The following ZNF229 variants were observed in gnomAD, a reference collection of about 807,000 sequenced individuals.
The protein encoded by ZNF229 is zinc finger protein 229.
In ZNF229, 10 loss-of-function variants were observed where a neutral mutation model predicts 11.8. That is an observed-to-expected ratio of 0.85 (90% CI 0.52 to 1.44). ZNF229 has a LOEUF of 1.44. ZNF229 is among the 40% of genes most tolerant of loss of function. ZNF229 has a pLI of 0.00. For synonymous variants in ZNF229, 368 were observed against 374.8 expected (o/e 0.98, Z 0.21); for missense variants, 1,045 against 1,015.1 (o/e 1.03, Z -0.40).
intron 2 of ZNF229, among the ~76,000 whole-genome samples, chr19:44,445,304 C>T (rs1276807170): frequency 1.4e-5 from 2 of 146,124 alleles, no homozygotes; most frequent in Non-Finnish European, 3.0e-5. Context: ...TCCTACACAG[C>T]AGCTGGAGTG....
chr19:44,430,157 T>C lies in ZNF229; in HGVS notation c.624A>G (p.Thr208=), dbSNP rs747600962. 1 of 1,614,132 alleles carries C rather than the reference T, an allele frequency of 6.2e-7. No individual in the cohort carries two copies. Among genetic ancestry groups the C allele is most frequent in the East Asian group, 2.2e-5 (1 of 44,880 alleles). Residue 208 remains threonine (T), a synonymous_variant, in exon 6 of 6, where the codon ACA becomes ACG. Coordinates refer to ENST00000614049, the MANE Select transcript of ZNF229 (RefSeq NM_014518.4). The part of the protein sequence containing the change: ...DVQERCKNLD[T]EDTVYKCNWD... ...AGTTACATTTATATACTGTGTCTTC[T>C]GTGTCGAGATTTTTACATCTTTCTT...
In ZNF229 at chr19:44,442,969, G is replaced by C. The variant is rs974112389; in HGVS notation, c.-122C>G. On this transcript the variant is annotated 5_prime_UTR_variant, in exon 3 of 6. Coordinates refer to ENST00000614049, the MANE Select transcript of ZNF229 (RefSeq NM_014518.4). ...CCGGAAACTCTCCAAGCTCTGACAA[G>C]TTCCTGTCTCCACCTTTACTGTCCA... is the stretch of plus-strand genomic sequence containing the variant. The C allele has an allele frequency of 5.9e-6, 7 of 1,193,376 alleles. No individual in the cohort carries two copies. The highest frequency in any genetic ancestry group is 2.1e-4 in the Middle Eastern group (1 of 4,682). The allele number at this position is 1,193,376 out of a possible 1,614,324, so 73.9% of individuals were successfully genotyped here. A position where few individuals can be genotyped will look rare whatever the true frequency, so the allele number is the denominator to read the frequency against.
chr19:44,429,865 C>A lies in ZNF229; in HGVS notation c.916G>T (p.Ala306Ser). The A allele has an allele frequency of 5.6e-6, 9 of 1,614,028 alleles. No homozygotes were observed. Among genetic ancestry groups the A allele is most frequent in the Non-Finnish European group, 6.8e-6 (8 of 1,180,016 alleles). ...DEFSEGLRHS[A>S]HLNRHQRVPT... ...ACTCTTTGATGTCTGTTAAGATGGG[C>A]ACTGTGCCTCAAGCCCTCACTAAAC... Residue 306 changes from alanine to serine, a missense_variant, in exon 6 of 6, where the codon GCC (alanine) becomes TCC (serine). Coordinates refer to ENST00000614049, the MANE Select transcript of ZNF229 (RefSeq NM_014518.4).
At chr19:44,446,529 T>C (rs1972005870) in intron 2 of ZNF229, among the ~76,000 whole-genome samples, 1 of 152,200 alleles carries the variant, frequency 6.6e-6, no homozygotes, top group African/African-American at 2.4e-5. Context: ...CACACACACA[T>C]GCCTATGTGA....
At chr19:44,444,202 T>C (rs955319372) in intron 2 of ZNF229, among the ~76,000 whole-genome samples, 2 of 152,188 alleles carry the variant, frequency 1.3e-5, no homozygotes, top group South Asian at 2.1e-4. Context: ...GCAAAGACAG[T>C]GGACATGAGT....
At chr19:44,439,502 G>A (rs1971871225) in intron 4 of ZNF229, among the ~76,000 whole-genome samples, 1 of 152,060 alleles carries the variant, frequency 6.6e-6, no homozygotes, top group Non-Finnish European at 1.5e-5. Flanking sequence ...GGAGTGCAGT[G>A]GCATGATCTC....
In ZNF229 at chr19:44,442,841, T is replaced by A; in HGVS notation, c.7A>T (p.Thr3Ser). Residue 3 changes from threonine to serine, a missense_variant, in exon 3 of 6, where the codon ACT becomes TCT. Transcript: ENST00000614049. The part of the protein sequence containing the change: ME[T>S]LTSRHEKRAL... ...CTTTTCTCATGCCTTGAGGTCAAAG[T>A]CTCCATGGTCTCTTCTGCTAGGTTC... The A allele has an allele frequency of 6.2e-7, 1 of 1,608,430 alleles. No homozygotes were observed.
In ZNF229 at chr19:44,430,215, G is replaced by A. The variant is rs372084311; in HGVS notation, c.566C>T (p.Ala189Val). 14 of 1,613,900 alleles carry A rather than the reference G, an allele frequency of 8.7e-6. No individual in the cohort carries two copies. The African/African-American group carries it at 1.6e-4, about 18-fold the overall frequency. ...CCCTAACTGGTTCACAAACGCTTTTGCCCAAGATCCTTGAATGGGGATTGG... is the reference window on the plus strand; with the variant it reads ...CCCTAACTGGTTCACAAACGCTTTTACCCAAGATCCTTGAATGGGGATTGG... ...IRPIPIQGSW[A>V]KAFVNQLGDV... Residue 189 changes from alanine to valine, a missense_variant, in exon 6 of 6, where the codon GCA (alanine) becomes GTA (valine). By Grantham distance (64) the Ala-to-Val change is moderately conservative (BLOSUM62 0). Transcript: ENST00000614049.
At position 44,443,005 on chromosome 19, in the gene ZNF229, G is replaced by A. The variant is rs1263780416; in HGVS notation, c.-158C>T. 3.2e-5 allele frequency: 25 copies of A among 769,870 alleles called. No individual in the cohort carries two copies. Among genetic ancestry groups the A allele is most frequent in the Admixed American group, 1.6e-4 (6 of 38,632 alleles). 47.7% of individuals were successfully genotyped at this position (769,870 alleles called of 1,614,324 possible). A position where few individuals can be genotyped will look rare whatever the true frequency, so the allele number is the denominator to read the frequency against. ...CACCTTTACTGTCCAGAGCGCGACT[G>A]CTTCCCATGGTCAGGGGACCTGTAG... On this transcript the variant is annotated 5_prime_UTR_variant, in exon 3 of 6. Coordinates refer to ENST00000614049, the MANE Select transcript of ZNF229 (RefSeq NM_014518.4).
rs1478880473 is a variant in ZNF229, at chr19:44,428,353, C to T, written c.2428G>A (p.Gly810Ser). Residue 810 changes from glycine (G) to serine (S), a missense_variant, in exon 6 of 6, where the codon GGT becomes AGT. By Grantham distance (56) the Gly-to-Ser change is moderately conservative. Transcript: ENST00000614049. ...VCGKGFSYTS[G>S]LRNHQRVHLG... ...TGCACTCTTTGGTGGTTCCGCAGAC[C>T]TGAGGTATAACTGAAGCCTTTCCCA... 2.5e-6 allele frequency: 4 copies of T among 1,613,934 alleles called. No individual in the cohort carries two copies. The highest frequency in any genetic ancestry group is 3.4e-6 in the Non-Finnish European group (4 of 1,179,904).
At position 44,427,200 on chromosome 19, in the gene ZNF229, T is replaced by G. The variant is rs144993717; in HGVS notation, c.*1103A>C. 2 of 148,892 alleles carry G rather than the reference T, an allele frequency of 1.3e-5. No homozygotes were observed. Among genetic ancestry groups the G allele is most frequent in the African/African-American group, 5.0e-5 (2 of 39,730 alleles). 9.2% of individuals were successfully genotyped at this position (148,892 alleles called of 1,614,324 possible). A position where few individuals can be genotyped will look rare whatever the true frequency, so the allele number is the denominator to read the frequency against. ...GATTAAAATTGAGATGAGATTTGGG[T>G]GGGGACAAGAGCCAAACCATATCAG... On this transcript the variant is annotated 3_prime_UTR_variant, in exon 6 of 6. Transcript: ENST00000614049.
rs1190997353 is a variant in ZNF229, at chr19:44,429,597, T to G, written c.1184A>C (p.His395Pro). Residue 395 changes from histidine (H) to proline (P), a missense_variant, in exon 6 of 6, where the codon CAT (histidine) becomes CCT (proline). Coordinates refer to ENST00000614049, the MANE Select transcript of ZNF229 (RefSeq NM_014518.4). ...AFGRSSNLLVHQRVHTGEKPY... is the reference protein window; with the variant it reads ...AFGRSSNLLVPQRVHTGEKPY... ...TTTCTCTCCAGTGTGGACCCTCTGA[T>G]GGACAAGCAGGTTTGAACTTCGACC... 2 of 1,614,150 alleles carry G rather than the reference T, an allele frequency of 1.2e-6. No homozygotes were observed. The highest frequency in any genetic ancestry group is 2.2e-5 in the South Asian group (2 of 91,088).
rs970935066 is a variant in ZNF229 at position 44,431,849 on chromosome 19, G to A, written c.238+373C>T. ...ATGTTGAAATCCTAAATCCCAACGT[G>A]ATACCATTAGGAGGTGGTGGGTCTT... On this transcript the variant is annotated intron_variant, in intron 5 of 5. Transcript: ENST00000614049. 1.1e-5 allele frequency: 11 copies of A among 976,092 alleles called. No homozygotes were observed. The African/African-American group carries it at 1.9e-4, about 17-fold the overall frequency. 60.5% of individuals were successfully genotyped at this position (976,092 alleles called of 1,614,324 possible). A position where few individuals can be genotyped will look rare whatever the true frequency, so the allele number is the denominator to read the frequency against.
chr19:44,429,480 G>T lies in ZNF229; in HGVS notation c.1301C>A (p.Thr434Asn), dbSNP rs867111760. ...GAAGCCTTTGCCACACTCGCTGCAG[G>T]TGTAGGGCTTCTCCCCTGTGTGCAG... is the stretch of plus-strand genomic sequence containing the variant. ...QRLHTGEKPY[T>N]CSECGKGFCA... is the part of the protein sequence containing the mutation. Residue 434 changes from threonine (T) to asparagine (N), a missense_variant, in exon 6 of 6, where the codon ACC becomes AAC. Thr to Asn is a moderately conservative substitution (Grantham distance 65). Transcript: ENST00000614049. 6.2e-7 allele frequency: 1 copy of T among 1,611,870 alleles called. No homozygotes were observed. Among genetic ancestry groups the T allele is most frequent in the African/African-American group, 1.3e-5 (1 of 74,208 alleles).
intron 4 of ZNF229, among the ~76,000 whole-genome samples, chr19:44,437,647 A>G (rs1217627126): frequency 2.0e-5 from 3 of 152,208 alleles, no homozygotes; most frequent in African/African-American, 7.2e-5. Context: ...AAATTATTCT[A>G]CCATAAAGAC....
intron 4 of ZNF229, among the ~76,000 whole-genome samples, chr19:44,437,999 G>A (rs1030243226): frequency 6.6e-6 from 1 of 152,092 alleles, no homozygotes; most frequent in Non-Finnish European, 1.5e-5. Flanking sequence ...AGAGGATCAG[G>A]AAAAATAAAT....
At chr19:44,430,903 C>A (rs1971712517) in intron 5 of ZNF229, among the ~76,000 whole-genome samples, 2 of 152,124 alleles carry the variant, frequency 1.3e-5, no homozygotes, top group Non-Finnish European at 2.9e-5. Context: ...CACATATTAA[C>A]TGACTTAAAC....
At chr19:44,441,740 A>ATGCTG (rs1316526565) in intron 4 of ZNF229, among the ~76,000 whole-genome samples, 1 of 152,212 alleles carries the variant, frequency 6.6e-6, no homozygotes, top group Non-Finnish European at 1.5e-5. Context: ...GTTATGAATG[A>ATGCTG]TGCTGCAATT....
At chr19:44,440,899 T>G (rs1971897313) in intron 4 of ZNF229, among the ~76,000 whole-genome samples, 1 of 152,036 alleles carries the variant, frequency 6.6e-6, no homozygotes, top group African/African-American at 2.4e-5. Flanking sequence ...AATTTTTTAG[T>G]ATTTTTGTAG....
Sources: allele counts gnomAD v4.1 joint callset (sites outside exome capture counted in the v4.1 genomes callset), GRCh38; gene constraint gnomAD v4.1.1; transcripts MANE v1.5; gene names NCBI Gene and HGNC (gene_info 2026-07-23, HGNC 2026-07-21).